Variants in PLPP3 observed in about 807,000 individuals in gnomAD.
PLPP3 encodes phospholipid phosphatase 3.
Under a neutral mutation model 29.6 loss-of-function variants are expected in PLPP3, and 6 were observed. The ratio of observed to expected loss-of-function variants is 0.20; its 90% CI spans 0.11 to 0.40. The LOEUF (loss-of-function observed/expected upper bound fraction) is 0.40. Ranked by LOEUF, PLPP3 falls within the 10% of genes least tolerant of loss-of-function variation. PLPP3 has a pLI of 1.00. For missense variants in PLPP3, 308 were observed against 407.7 expected (o/e 0.76, Z 2.11); for synonymous variants, 152 against 159.7 (o/e 0.95, Z 0.36).
intron 1 of PLPP3, among the ~76,000 whole-genome samples, chr1:56,567,181 C>G (rs1449464948): frequency 2.6e-5 from 4 of 152,112 alleles, no homozygotes; most frequent in Non-Finnish European, 5.9e-5. Context: ...GCTGACCACC[C>G]AGCATCGATT....
intron 1 of PLPP3, among the ~76,000 whole-genome samples, chr1:56,573,579 C>A (rs981981818): frequency 6.6e-6 from 1 of 152,188 alleles, no homozygotes; most frequent in Non-Finnish European, 1.5e-5. Flanking sequence ...CAGGTCCTGG[C>A]TCAAAGCCAG....
intron 2 of PLPP3, among the ~76,000 whole-genome samples, chr1:56,527,083 T>C (rs1234423678): frequency 6.6e-6 from 1 of 152,196 alleles, no homozygotes; most frequent in African/African-American, 2.4e-5. Context: ...GAGTCACCTT[T>C]CTGCTCCAGT....
chr1:56,536,927 T>G (rs776212231), intron 2 of PLPP3, 28 bp downstream of exon 2: 53 of 1,610,498 alleles, frequency 3.3e-5, no homozygotes, highest in Non-Finnish European at 4.1e-5. Context: ...TCAGACAGGA[T>G]CCACCATAGC....
Position 56,495,406 on chromosome 1 carries a change from A to T in PLPP3, c.*1145T>A, listed in dbSNP as rs1645624974. 1.3e-5 allele frequency: 2 copies of T among 152,682 alleles called. No individual in the cohort carries two copies. Among genetic ancestry groups the T allele is most frequent in the African/African-American group, 4.8e-5 (2 of 41,470 alleles). 9.5% of individuals were successfully genotyped at this position (152,682 alleles called of 1,614,324 possible). ...AACTCTCTACCGAGATTTAACCCATATGTTCTGCCCAGCAGAACCTACCAA... is the reference window on the plus strand; with the variant it reads ...AACTCTCTACCGAGATTTAACCCATTTGTTCTGCCCAGCAGAACCTACCAA... On this transcript the variant is annotated 3_prime_UTR_variant, in exon 6 of 6. Transcript: ENST00000371250.
intron 1 of PLPP3, among the ~76,000 whole-genome samples, chr1:56,549,627 A>C (rs1646025644): frequency 6.6e-6 from 1 of 152,168 alleles, no homozygotes; most frequent in Non-Finnish European, 1.5e-5. Context: ...TACGTGATAG[A>C]GGGGCTTCAC....
At chr1:56,514,072 A>T (rs534925766) in intron 4 of PLPP3, among the ~76,000 whole-genome samples, 64 of 151,542 alleles carry the variant, frequency 4.2e-4, no homozygotes, top group East Asian at 1.7e-3. Flanking sequence ...AATTAAATTT[A>T]AAAAAAAAGA....
At chr1:56,548,672 T>C (rs527949642) in intron 1 of PLPP3, among the ~76,000 whole-genome samples, 2 of 152,128 alleles carry the variant, frequency 1.3e-5, no homozygotes, top group Non-Finnish European at 2.9e-5. Flanking sequence ...TAAAAATGCA[T>C]ACTCTGGGAA....
chr1:56,555,748 A>G (rs1307356761), intron 1 of PLPP3, among the ~76,000 whole-genome samples: 4 of 152,150 alleles, frequency 2.6e-5, no homozygotes. Context: ...AGCTCAAGCA[A>G]TCCTCCTGCT....
At chr1:56,571,071 C>T (rs1325629083) in intron 1 of PLPP3, among the ~76,000 whole-genome samples, 1 of 152,192 alleles carries the variant, frequency 6.6e-6, no homozygotes, top group Non-Finnish European at 1.5e-5. Context: ...GGGAACTCTC[C>T]TCATGAATAA....
intron 1 of PLPP3, among the ~76,000 whole-genome samples, chr1:56,574,393 T>C (rs1022433998): frequency 7.2e-5 from 11 of 151,958 alleles, no homozygotes; most frequent in Admixed American, 3.9e-4. Flanking sequence ...GGGCTACAGC[T>C]ACAGGCTTGC....
At chr1:56,552,537 G>T (rs898264322) in intron 1 of PLPP3, among the ~76,000 whole-genome samples, 1 of 152,158 alleles carries the variant, frequency 6.6e-6, no homozygotes, top group Non-Finnish European at 1.5e-5. Flanking sequence ...CTTATTGTGT[G>T]CCAGGAGTGA....
At chr1:56,540,550 G>A (rs1645961268) in intron 1 of PLPP3, among the ~76,000 whole-genome samples, 1 of 152,126 alleles carries the variant, frequency 6.6e-6, no homozygotes, top group Non-Finnish European at 1.5e-5. Flanking sequence ...TTTGCCTATG[G>A]CTTGGGGAGG....
chr1:56,501,793 G>C (rs1645669779), intron 5 of PLPP3, among the ~76,000 whole-genome samples: 1 of 152,176 alleles, frequency 6.6e-6, no homozygotes, highest in Non-Finnish European at 1.5e-5. Flanking sequence ...TAAAAAGAGA[G>C]GGGGGAAAAA....
intron 5 of PLPP3, among the ~76,000 whole-genome samples, chr1:56,510,416 C>A (rs773407878): frequency 2.0e-4 from 31 of 152,358 alleles, no homozygotes; most frequent in Non-Finnish European, 3.8e-4. Flanking sequence ...AACAGCCAGT[C>A]CAGTAGGCTG....
At chr1:56,562,342 A>T (rs901456377) in intron 1 of PLPP3, among the ~76,000 whole-genome samples, 2 of 152,192 alleles carry the variant, frequency 1.3e-5, no homozygotes, top group Non-Finnish European at 2.9e-5. Context: ...TAGTAGTAAC[A>T]AATGACCCTG....
chr1:56,502,094 A>G (rs1645671825), intron 5 of PLPP3, among the ~76,000 whole-genome samples: 1 of 152,208 alleles, frequency 6.6e-6, no homozygotes, highest in Non-Finnish European at 1.5e-5. Flanking sequence ...CAAGTACACC[A>G]GAAATAAGAA....
intron 5 of PLPP3, among the ~76,000 whole-genome samples, chr1:56,508,188 G>A (rs918614438): frequency 2.0e-5 from 3 of 152,190 alleles, no homozygotes; most frequent in African/African-American, 7.2e-5. Context: ...TCCATCAAAG[G>A]GGACAGGTAT....
intron 2 of PLPP3, among the ~76,000 whole-genome samples, chr1:56,536,269 C>T (rs1459208086): frequency 6.6e-6 from 1 of 152,210 alleles, no homozygotes; most frequent in Non-Finnish European, 1.5e-5. Context: ...CCTAGAAACT[C>T]AAACCCACAA....
At chr1:56,505,502 C>T (rs1294752547) in intron 5 of PLPP3, among the ~76,000 whole-genome samples, 4 of 152,204 alleles carry the variant, frequency 2.6e-5, no homozygotes, top group Non-Finnish European at 5.9e-5. Context: ...TTTTCTTCTG[C>T]TTCTGCCAAC....
Sources: gnomAD v4.1 joint callset for allele counts (sites outside exome capture counted in the v4.1 genomes callset) on GRCh38, gnomAD v4.1.1 for gene constraint, MANE v1.5 for transcripts, NCBI Gene and HGNC (gene_info 2026-07-23, HGNC 2026-07-21) for gene names.